ALCAM: variants seen among roughly 807,000 people sequenced by gnomAD.
ALCAM encodes activated leukocyte cell adhesion molecule.
ALCAM carries 30 observed loss-of-function variants against 70.9 expected under a neutral mutation model. That is an observed-to-expected ratio of 0.42 (90% CI 0.32 to 0.57). The LOEUF (loss-of-function observed/expected upper bound fraction) is 0.57. Ranked by LOEUF, ALCAM falls within the 20% of genes least tolerant of loss-of-function variation. The pLI is 0.11. For missense variants in ALCAM, 591 were observed against 695.1 expected (o/e 0.85, Z 1.68); for synonymous variants, 249 against 242.5 (o/e 1.03, Z -0.25).
intron 1 of ALCAM, among the ~76,000 whole-genome samples, chr3:105,396,674 G>A (rs1935958454): frequency 6.6e-6 from 1 of 151,926 alleles, no homozygotes. Context: ...CTTCCCTACT[G>A]CCCAGTCCTC....
intron 1 of ALCAM, among the ~76,000 whole-genome samples, chr3:105,425,428 G>A (rs1019333269): frequency 2.0e-5 from 3 of 151,742 alleles, no homozygotes; most frequent in African/African-American, 7.3e-5. Context: ...CATTGGAGAT[G>A]TCTTATGCTT....
At chr3:105,427,359 G>T (rs1936816135) in intron 1 of ALCAM, among the ~76,000 whole-genome samples, 1 of 151,854 alleles carries the variant, frequency 6.6e-6, no homozygotes, top group African/African-American at 2.4e-5. Context: ...TAGAGAAGAA[G>T]GGAAGAAGAA....
intron 1 of ALCAM, among the ~76,000 whole-genome samples, chr3:105,476,739 G>A (rs1938123917): frequency 6.6e-6 from 1 of 152,024 alleles, no homozygotes; most frequent in Non-Finnish European, 1.5e-5. Context: ...GTTCACCTTT[G>A]TTCTTTCGTT....
At chr3:105,527,462 T>C (rs1340044215) in intron 3 of ALCAM, among the ~76,000 whole-genome samples, 1 of 152,140 alleles carries the variant, frequency 6.6e-6, no homozygotes, top group Non-Finnish European at 1.5e-5. Context: ...GACGGGAGGT[T>C]TTCCCATTCT....
chr3:105,408,956 A>G (rs978424460), intron 1 of ALCAM, among the ~76,000 whole-genome samples: 2 of 152,186 alleles, frequency 1.3e-5, no homozygotes, highest in Non-Finnish European at 2.9e-5. Context: ...AAAGCTCAAC[A>G]TCACTAATTA....
intron 1 of ALCAM, among the ~76,000 whole-genome samples, chr3:105,404,300 A>C (rs561721924): frequency 2.4e-4 from 36 of 152,292 alleles, no homozygotes; most frequent in Admixed American, 1.4e-3. Context: ...TTATCTAGTC[A>C]AGACAAAAGA....
intron 1 of ALCAM, among the ~76,000 whole-genome samples, chr3:105,439,908 T>C (rs981769937): frequency 1.3e-4 from 20 of 152,236 alleles, no homozygotes; most frequent in African/African-American, 4.8e-4. Context: ...TGTTGATATT[T>C]GGCTATAACA....
chr3:105,400,765 T>G (rs1424824833), intron 1 of ALCAM, among the ~76,000 whole-genome samples: 1 of 152,110 alleles, frequency 6.6e-6, no homozygotes, highest in East Asian at 1.9e-4. Context: ...GAGAAACTAA[T>G]CTATTGTTCA....
At chr3:105,541,532 T>C in intron 7 of ALCAM, 101 bp from the exon 8 acceptor site, 14 of 1,298,450 alleles carry the variant, frequency 1.1e-5, no homozygotes, top group Non-Finnish European at 1.4e-5. Context: ...CACATTCCCT[T>C]TTTTATCTTA....
At chr3:105,492,640 T>C (rs1381275262) in intron 1 of ALCAM, among the ~76,000 whole-genome samples, 2 of 152,192 alleles carry the variant, frequency 1.3e-5, no homozygotes, top group Non-Finnish European at 2.9e-5. Flanking sequence ...GGTGGGTAGC[T>C]CATTTGAACT....
intron 1 of ALCAM, among the ~76,000 whole-genome samples, chr3:105,514,991 G>A (rs1455211490): frequency 6.6e-6 from 1 of 151,780 alleles, no homozygotes; most frequent in Non-Finnish European, 1.5e-5. Flanking sequence ...GATTTCATCA[G>A]GTAACTTCTC....
rs1576231363 is a variant in ALCAM, at chr3:105,541,399, A to T, written c.859-234A>T. Among the ~76,000 whole-genome samples, 4 of 152,096 alleles carry T rather than the reference A, an allele frequency of 2.6e-5. No individual in the cohort carries two copies. The South Asian group carries it at 8.3e-4, about 32-fold the overall frequency. On this transcript the variant is annotated intron_variant, in intron 7 of 15. Transcript: ENST00000306107. ...TGAGCAAAAGCCATGCTGTCAATAA[A>T]ATAAAAGTCATCAATAGAAAATAAA...
intron 6 of ALCAM, among the ~76,000 whole-genome samples, chr3:105,536,782 A>G (rs1332773988): frequency 6.6e-6 from 1 of 152,150 alleles, no homozygotes; most frequent in Non-Finnish European, 1.5e-5. Flanking sequence ...TTGTAAGGGT[A>G]AAAGTCTTAG....
chr3:105,568,909 A>G (rs970963995), intron 14 of ALCAM, among the ~76,000 whole-genome samples: 6 of 152,164 alleles, frequency 3.9e-5, no homozygotes, highest in African/African-American at 1.4e-4. Context: ...TACTCAAAAC[A>G]GAACTCCTTG....
At position 105,550,186 on chromosome 3, in the gene ALCAM, A is replaced by G; in HGVS notation, c.1434A>G (p.Glu478=). The G allele has an allele frequency of 2.5e-6, 4 of 1,603,408 alleles. No individual in the cohort carries two copies. The highest frequency in any genetic ancestry group is 3.4e-6 in the Non-Finnish European group (4 of 1,171,640). ...RYYSKIIISP[E]ENVTLTCTAE... is the part of the protein sequence containing the mutation. ...ATAGTAAAATTATCATTTCCCCTGA[A>G]GAGAATGTTACATTAACTTGCACAG... The change falls in exon 12 of 16, where the codon GAA becomes GAG. Residue 478 remains glutamate (E), a synonymous_variant. Transcript: ENST00000306107.
chr3:105,488,963 TA>T (rs1344559553), intron 1 of ALCAM, among the ~76,000 whole-genome samples: 1 of 152,170 alleles, frequency 6.6e-6, no homozygotes, highest in Non-Finnish European at 1.5e-5. Context: ...CCAAGTTGAA[TA>T]ATGGATCCAT....
At position 105,533,590 on chromosome 3, in the gene ALCAM, T is replaced by G. The variant is rs1262009458; in HGVS notation, c.460-13T>G. ...TTGAACCAAGGTAATAACATTGCCT[T>G]TTTATTTTGCAGTTGGGTGACTGCA... On this transcript the variant is annotated splice_polypyrimidine_tract_variant and intron_variant, in intron 4 of 15. Transcript: ENST00000306107. The G allele has an allele frequency of 6.2e-7, 1 of 1,608,712 alleles. No homozygotes were observed. Among genetic ancestry groups the G allele is most frequent in the Non-Finnish European group, 8.5e-7 (1 of 1,176,246 alleles).
intron 1 of ALCAM, among the ~76,000 whole-genome samples, chr3:105,461,418 G>A (rs1937603784): frequency 1.3e-5 from 2 of 151,802 alleles, no homozygotes; most frequent in African/African-American, 4.8e-5. Context: ...AAGTCTTATT[G>A]GGAGTAAAAG....
chr3:105,545,415 A>T (rs777258728), intron 9 of ALCAM, 80 bp downstream of exon 9: 9 of 948,858 alleles, frequency 9.5e-6, no homozygotes, highest in Non-Finnish European at 1.4e-5. Context: ...ATTGTATTCA[A>T]GTAGGTATAT....
Sources: gnomAD v4.1 joint callset for allele counts (sites outside exome capture counted in the v4.1 genomes callset) on GRCh38, gnomAD v4.1.1 for gene constraint, MANE v1.5 for transcripts, NCBI Gene and HGNC (gene_info 2026-07-23, HGNC 2026-07-21) for gene names.